TNIP3: variants seen among roughly 807,000 people sequenced by gnomAD.
TNIP3 encodes TNFAIP3-interacting protein 3.
TNIP3 carries 34 observed loss-of-function variants against 54.1 expected under a neutral mutation model. The ratio of observed to expected loss-of-function variants is 0.63; its 90% CI spans 0.48 to 0.84. The LOEUF (loss-of-function observed/expected upper bound fraction) is 0.84, where lower values mean the gene tolerates loss of function less well. Ranked by LOEUF, TNIP3 falls within the 40% of genes least tolerant of loss-of-function variation. The pLI, the probability that TNIP3 is intolerant of heterozygous loss-of-function variation, is 0.00. For synonymous variants in TNIP3, 134 were observed against 136.8 expected, an observed-to-expected ratio of 0.98 and a Z score of 0.14; for missense variants, 366 against 387.6, an observed-to-expected ratio of 0.94 and a Z score of 0.47.
chr4:121,177,039 T>G (rs1209263869), intron 3 of TNIP3, among the ~76,000 whole-genome samples: 1 of 152,200 alleles, frequency 6.6e-6, no homozygotes, highest in Non-Finnish European at 1.5e-5. Flanking sequence ...TGCTTAAAAT[T>G]TGGGCATTTT....
At chr4:121,151,384 A>C (rs967949070) in intron 5 of TNIP3, among the ~76,000 whole-genome samples, 4 of 152,232 alleles carry the variant, frequency 2.6e-5, no homozygotes, top group African/African-American at 9.6e-5. Context: ...GAGTATGTGA[A>C]TAGGCTGGGA....
At chr4:121,158,514 A>C (rs1730247358) in intron 3 of TNIP3, among the ~76,000 whole-genome samples, 173 bp downstream of exon 3, 1 of 152,200 alleles carries the variant, frequency 6.6e-6, no homozygotes, top group Admixed American at 6.5e-5. Context: ...GACACCGTTC[A>C]TTAATTTTCA....
intron 2 of TNIP3, among the ~76,000 whole-genome samples, chr4:121,159,424 G>A (rs1459479709): frequency 6.6e-6 from 1 of 152,134 alleles, no homozygotes; most frequent in African/African-American, 2.4e-5. Flanking sequence ...ATTGATGATT[G>A]TCTGTAAGAT....
At chr4:121,184,043 C>CT (rs1357833880) in intron 2 of TNIP3, among the ~76,000 whole-genome samples, 1 of 152,016 alleles carries the variant, frequency 6.6e-6, no homozygotes, top group African/African-American at 2.4e-5. Flanking sequence ...ATGTTGGGGA[C>CT]TACTGCTTTA....
intron 2 of TNIP3, among the ~76,000 whole-genome samples, chr4:121,197,153 G>A (rs1056147555): frequency 6.6e-6 from 1 of 152,030 alleles, no homozygotes; most frequent in South Asian, 2.1e-4. Flanking sequence ...CAAGCAGATG[G>A]CTGCTAAGAG....
In TNIP3 at chr4:121,132,567, AAAG is replaced by A. The variant is rs1206874707; in HGVS notation, c.*61_*63del. 27 of 1,485,868 alleles carry A rather than the reference AAAG, an allele frequency of 1.8e-5. No individual in the cohort carries two copies. The highest frequency in any genetic ancestry group is 2.3e-5 in the Non-Finnish European group (25 of 1,066,298). The allele number at this position is 1,485,868 out of a possible 1,614,324, so 92.0% of individuals were successfully genotyped here. ...GGCAGAAACAAGCCTCAGTATAAAC[AAAG>A]AAGAGGGTCCTCAGCCACGCTCCCT... On this transcript the variant is annotated 3_prime_UTR_variant, in exon 11 of 11. Coordinates refer to ENST00000057513, the MANE Select transcript of TNIP3 (RefSeq NM_024873.6).
upstream of TNIP3, among the ~76,000 whole-genome samples, chr4:121,165,659 TTGTGTGTGTG>T (rs67730856): frequency 1.0e-4 from 15 of 146,802 alleles, no homozygotes; most frequent in South Asian, 4.5e-4. Context: ...TTTTGCTAGT[TTGTGTGTGTG>T]TGTGTGTGTG....
chr4:121,166,525 A>G (rs1269041713), upstream of TNIP3, among the ~76,000 whole-genome samples: 1 of 152,200 alleles, frequency 6.6e-6, no homozygotes, highest in Non-Finnish European at 1.5e-5. Flanking sequence ...GTGTCATTCC[A>G]TGTTTCCAAG....
chr4:121,175,930 G>A (rs1488471010), intron 3 of TNIP3, among the ~76,000 whole-genome samples: 1 of 152,146 alleles, frequency 6.6e-6, no homozygotes, highest in Non-Finnish European at 1.5e-5. Flanking sequence ...AGAAAATAGA[G>A]TTCAAGCTGG....
At chr4:121,144,816 A>G (rs903740393) in intron 7 of TNIP3, among the ~76,000 whole-genome samples, 6 of 152,236 alleles carry the variant, frequency 3.9e-5, no homozygotes, top group Non-Finnish European at 8.8e-5. Context: ...CTTATTTTTT[A>G]GAGAGAGATT....
chr4:121,201,487 T>C (rs1477350296), intron 2 of TNIP3, among the ~76,000 whole-genome samples: 2 of 152,176 alleles, frequency 1.3e-5, no homozygotes, highest in Non-Finnish European at 2.9e-5. Flanking sequence ...AAGACATAAA[T>C]ATGGTTCTAC....
upstream of TNIP3, among the ~76,000 whole-genome samples, chr4:121,169,045 C>T (rs1308762368): frequency 2.0e-5 from 3 of 152,018 alleles, no homozygotes; most frequent in Non-Finnish European, 2.9e-5. Flanking sequence ...TCCACTCCCC[C>T]CTCCCCATTA....
At position 121,161,151 on chromosome 4, in the gene TNIP3, T is replaced by A. The variant is rs1209990979; in HGVS notation, c.132A>T (p.Glu44Asp). The change falls in exon 2 of 11, where the codon GAA becomes GAT. Residue 44 changes from glutamate (E) to aspartate (D), a missense_variant. Transcript: ENST00000057513. Reference sequence around the variant, plus strand: ...TCTAAGTTACCTCTTTTCTTTGTTTTTCCAAACACCTTATCTTTTGTTCAA... The same window carrying A: ...TCTAAGTTACCTCTTTTCTTTGTTTATCCAAACACCTTATCTTTTGTTCAA... ...NSLEQKIRCL[E>D]KQRKELLEVN... 2 of 1,586,616 alleles carry A rather than the reference T, an allele frequency of 1.3e-6. No individual in the cohort carries two copies. The highest frequency in any genetic ancestry group is 4.5e-5 in the East Asian group (2 of 44,398).
intron 6 of TNIP3, among the ~76,000 whole-genome samples, chr4:121,147,883 T>C (rs184068432): frequency 2.1e-3 from 320 of 152,350 alleles, no homozygotes; most frequent in African/African-American, 7.3e-3. Flanking sequence ...GGTTTATCAA[T>C]TTTATTGTTC....
chr4:121,203,437 G>A (rs554359690), intron 2 of TNIP3, among the ~76,000 whole-genome samples: 3 of 152,128 alleles, frequency 2.0e-5, no homozygotes, highest in Admixed American at 6.6e-5. Flanking sequence ...AAATGCATGA[G>A]AATGATACAA....
chr4:121,142,822 C>A (rs1158776994), intron 7 of TNIP3, 46 bp from the exon 8 acceptor site: 2 of 1,534,444 alleles, frequency 1.3e-6, no homozygotes, highest in East Asian at 2.3e-5. Context: ...AAGTTAAAAT[C>A]ATTAATTCCC....
At chr4:121,219,198 TACAAACAAACAA>T (rs113880656), upstream of TNIP3, among the ~76,000 whole-genome samples, 17 of 151,782 alleles carry the variant, frequency 1.1e-4, no homozygotes, top group African/African-American at 3.9e-4. Context: ...GAAACTCCAT[TACAAACAAACAA>T]ACAAACAAAC....
intron 2 of TNIP3, among the ~76,000 whole-genome samples, chr4:121,187,450 T>C (rs1725080742): frequency 6.6e-6 from 1 of 152,254 alleles, no homozygotes; most frequent in African/African-American, 2.4e-5. Context: ...CCAGGTCACT[T>C]GACTCATGAA....
intron 4 of TNIP3, among the ~76,000 whole-genome samples, chr4:121,155,694 T>G (rs1730042559): frequency 6.6e-6 from 1 of 152,174 alleles, no homozygotes; most frequent in Non-Finnish European, 1.5e-5. Context: ...AGCAAACATT[T>G]TGTGAAGTAA....
Sources: allele counts gnomAD v4.1 joint callset (sites outside exome capture counted in the v4.1 genomes callset), GRCh38; gene constraint gnomAD v4.1.1; transcripts MANE v1.5; gene names NCBI Gene and HGNC (gene_info 2026-07-23, HGNC 2026-07-21).